Variants in BNC2 observed in about 807,000 individuals in gnomAD.
BNC2 encodes the protein zinc finger protein basonuclin-2.
BNC2 carries 20 observed loss-of-function variants against 76.3 expected under a neutral mutation model. The ratio of observed to expected loss-of-function variants is 0.26; its 90% CI spans 0.18 to 0.38. The LOEUF is 0.38. Ranked by LOEUF, BNC2 falls within the 10% of genes least tolerant of loss-of-function variation. BNC2 has a pLI of 1.00. For synonymous variants in BNC2, 582 were observed against 514.8 expected (o/e 1.13, Z -1.77); for missense variants, 1,382 against 1,399.8 (o/e 0.99, Z 0.20).
rs1320393328 is a variant in BNC2, at chr9:16,414,506, T to C, written c.*4483A>G. 1 of 152,190 alleles carries C rather than the reference T, an allele frequency of 6.6e-6. No individual in the cohort carries two copies. The highest frequency in any genetic ancestry group is 1.5e-5 in the Non-Finnish European group (1 of 68,032). 9.4% of individuals were successfully genotyped at this position (152,190 alleles called of 1,614,324 possible). Reference sequence around the variant, plus strand: ...GATAAGTGATTTTAAAGAATGAAATTCGTTTGTCATAATTTTAAAAAAGAA... The same window carrying C: ...GATAAGTGATTTTAAAGAATGAAATCCGTTTGTCATAATTTTAAAAAAGAA... On this transcript the variant is annotated 3_prime_UTR_variant, in exon 7 of 7. Transcript: ENST00000380672.
intron 5 of BNC2, among the ~76,000 whole-genome samples, chr9:16,501,587 G>C (rs1181167721): frequency 6.6e-6 from 1 of 152,062 alleles, no homozygotes; most frequent in African/African-American, 2.4e-5. Flanking sequence ...CATGCTTTTA[G>C]AACTAAACTC....
rs755684997 is a variant in BNC2, at chr9:16,630,749, C to CTTTTTTTTTTTTTTTT, written c.331-47665_331-47664insAAAAAAAAAAAAAAAA. On this transcript the variant is annotated intron_variant, in intron 3 of 6. Coordinates refer to ENST00000380672, the MANE Select transcript of BNC2 (RefSeq NM_017637.6). Reference sequence around the variant, plus strand: ...TATTATTTAAAAATGTGGAGCGTTTCTTTTTTTGAAACAGAGTTTCACTCT... The same window carrying CTTTTTTTTTTTTTTTT: ...TATTATTTAAAAATGTGGAGCGTTTCTTTTTTTTTTTTTTTTTTTTTTTGAAACAGAGTTTCACTCT... Among the ~76,000 whole-genome samples the CTTTTTTTTTTTTTTTT allele has an allele frequency of 5.0e-5, 7 of 140,198 alleles. 1 individual carries two copies. The highest frequency in any genetic ancestry group is 2.3e-4 in the South Asian group (1 of 4,374). The allele number at this position is 140,198 out of a possible 152,430, so 92.0% of individuals were successfully genotyped here. A position where few individuals can be genotyped will look rare whatever the true frequency, so the allele number is the denominator to read the frequency against.
intron 5 of BNC2, among the ~76,000 whole-genome samples, chr9:16,523,360 A>G (rs12000862): frequency 0.037 from 5,654 of 151,728 alleles, 357 homozygotes; most frequent in African/African-American, 0.13. Context: ...GGTCCCAGCT[A>G]CTTGGGAGGC....
chr9:16,465,570 T>C (rs1328848841), intron 5 of BNC2, among the ~76,000 whole-genome samples: 4 of 152,126 alleles, frequency 2.6e-5, no homozygotes, highest in Admixed American at 6.5e-5. Flanking sequence ...GTCACAATTG[T>C]ATACTGGTTG....
chr9:16,506,476 G>C (rs962844368), intron 5 of BNC2, among the ~76,000 whole-genome samples: 2 of 141,790 alleles, frequency 1.4e-5, no homozygotes, highest in Non-Finnish European at 1.5e-5. Flanking sequence ...TACCCTTACT[G>C]GATCAGATAA....
At chr9:16,571,458 T>G in intron 4 of BNC2, among the ~76,000 whole-genome samples, 1 of 152,162 alleles carries the variant, frequency 6.6e-6, no homozygotes, top group East Asian at 1.9e-4. Context: ...GTAGAAAATG[T>G]TAGATAGCTA....
chr9:16,652,397 TAAAC>T (rs1821817679), intron 3 of BNC2, among the ~76,000 whole-genome samples: 1 of 152,176 alleles, frequency 6.6e-6, no homozygotes, highest in Non-Finnish European at 1.5e-5. Flanking sequence ...ACCAGTCACT[TAAAC>T]AAATAGGATG....
At chr9:16,554,815 T>G (rs568880985) in intron 4 of BNC2, among the ~76,000 whole-genome samples, 1 of 152,252 alleles carries the variant, frequency 6.6e-6, no homozygotes, top group South Asian at 2.1e-4. Context: ...CAAAACAGAC[T>G]TCTATGACAA....
chr9:16,472,515 A>G (rs567572370), intron 5 of BNC2, among the ~76,000 whole-genome samples: 1 of 152,324 alleles, frequency 6.6e-6, no homozygotes, highest in Non-Finnish European at 1.5e-5. Flanking sequence ...AAAAATTCAG[A>G]AGAGGTCACA....
At chr9:16,810,428 C>A (rs1421652534) in intron 1 of BNC2, among the ~76,000 whole-genome samples, 2 of 152,202 alleles carry the variant, frequency 1.3e-5, no homozygotes, top group Non-Finnish European at 2.9e-5. Flanking sequence ...GGGCTACAGG[C>A]TAGGCGTCCC....
At chr9:16,439,950 A>T (rs1821092581) in intron 5 of BNC2, among the ~76,000 whole-genome samples, 1 of 152,228 alleles carries the variant, frequency 6.6e-6, no homozygotes, top group South Asian at 2.1e-4. Flanking sequence ...GTGCAGGCAC[A>T]TGGCAACCCC....
chr9:16,832,513 CCT>C (rs1460959807), intron 1 of BNC2, among the ~76,000 whole-genome samples: 1 of 152,190 alleles, frequency 6.6e-6, no homozygotes, highest in African/African-American at 2.4e-5. Flanking sequence ...CCACTCGTGT[CCT>C]GACTGTAAAA....
intron 6 of BNC2, among the ~76,000 whole-genome samples, chr9:16,423,516 C>T (rs2119163024): frequency 6.6e-6 from 1 of 152,302 alleles, no homozygotes; most frequent in African/African-American, 2.4e-5. Context: ...AAATCTTACT[C>T]AATCTTATGT....
intron 5 of BNC2, among the ~76,000 whole-genome samples, chr9:16,521,756 T>C (rs111413585): frequency 2.0e-5 from 3 of 152,304 alleles, no homozygotes; most frequent in Admixed American, 6.5e-5. Flanking sequence ...TCATGTTAAA[T>C]TGGATTACTG....
At chr9:16,695,687 T>C (rs1823317861) in intron 3 of BNC2, among the ~76,000 whole-genome samples, 1 of 152,170 alleles carries the variant, frequency 6.6e-6, no homozygotes, top group Non-Finnish European at 1.5e-5. Context: ...ATTTTCTCTC[T>C]TACACGCATT....
At chr9:16,583,213 T>A in intron 3 of BNC2, 128 bp from the exon 4 acceptor site, 1 of 769,372 alleles carries the variant, frequency 1.3e-6, no homozygotes, top group Non-Finnish European at 2.1e-6. Flanking sequence ...TGGAGAGTTT[T>A]AAAAATAAAT....
chr9:16,615,448 A>C (rs1820671641), intron 3 of BNC2, among the ~76,000 whole-genome samples: 2 of 151,926 alleles, frequency 1.3e-5, no homozygotes, highest in African/African-American at 4.8e-5. Context: ...TAAGATCGTC[A>C]TGTGAGAGGT....
At chr9:16,870,386 C>G (rs914675399) in intron 1 of BNC2, among the ~76,000 whole-genome samples, 2 of 152,120 alleles carry the variant, frequency 1.3e-5, no homozygotes, top group Non-Finnish European at 2.9e-5. Flanking sequence ...TTGAGAAGCC[C>G]CCTCTCACGT....
At position 16,801,742 on chromosome 9, in the gene BNC2, A is replaced by AC. The variant is rs1563949592; in HGVS notation, c.4-63258_4-63257insG. On this transcript the variant is annotated intron_variant, in intron 1 of 6. Transcript: ENST00000380672. ...ACACCCCCTTAAATTAAAAAAAAAA[A>AC]AACACACACACACAGAAAAAATAAA... 3.3e-3 allele frequency among the ~76,000 whole-genome samples: 236 copies of AC among 72,250 alleles called. 1 individual carries two copies. Among genetic ancestry groups the AC allele is most frequent in the African/African-American group, 9.3e-3 (200 of 21,408 alleles). The allele number at this position is 72,250 out of a possible 152,430, so 47.4% of individuals were successfully genotyped here.
Sources: allele counts gnomAD v4.1 joint callset (sites outside exome capture counted in the v4.1 genomes callset), GRCh38; gene constraint gnomAD v4.1.1; transcripts MANE v1.5; gene names NCBI Gene and HGNC (gene_info 2026-07-23, HGNC 2026-07-21).